RYK: variants seen among roughly 807,000 people sequenced by gnomAD.
The protein encoded by RYK is receptor like tyrosine kinase, also known as inactive tyrosine-protein kinase RYK.
In RYK, 21 loss-of-function variants were observed where a neutral mutation model predicts 70.2. The observed-to-expected ratio is 0.30, with a 90% CI of 0.21 to 0.43. The LOEUF is 0.43. Among genes scored for constraint, RYK ranks in the 20% least tolerant of loss-of-function variants. The pLI is 1.00. For synonymous variants in RYK, 267 were observed against 278.0 expected, an observed-to-expected ratio of 0.96 and a Z score of 0.39; for missense variants, 604 against 753.3, an observed-to-expected ratio of 0.80 and a Z score of 2.32.
At chr3:134,173,789 T>G (rs1355878736) in intron 13 of RYK, among the ~76,000 whole-genome samples, 1 of 152,150 alleles carries the variant, frequency 6.6e-6, no homozygotes, top group Non-Finnish European at 1.5e-5. Flanking sequence ...AAAAATTTAT[T>G]TAGTAGTTAG....
intron 2 of RYK, among the ~76,000 whole-genome samples, chr3:134,219,701 TG>T (rs1490607382): frequency 1.1e-4 from 17 of 152,196 alleles, no homozygotes; most frequent in African/African-American, 4.1e-4. Flanking sequence ...ACCTCAGAGT[TG>T]CAAGGGAACT....
intron 2 of RYK, among the ~76,000 whole-genome samples, chr3:134,222,144 G>A (rs1312803941): frequency 6.6e-6 from 1 of 152,144 alleles, no homozygotes; most frequent in Non-Finnish European, 1.5e-5. Flanking sequence ...TTTCAAGCTA[G>A]GTCTGGATCT....
chr3:134,245,004 C>A (rs1370879041), intron 1 of RYK, among the ~76,000 whole-genome samples: 1 of 152,152 alleles, frequency 6.6e-6, no homozygotes, highest in African/African-American at 2.4e-5. Context: ...TCAAATCTAC[C>A]AAAGCCTTGA....
At chr3:134,250,199 G>A (rs1285612886) in intron 1 of RYK, among the ~76,000 whole-genome samples, 1 of 152,130 alleles carries the variant, frequency 6.6e-6, no homozygotes, top group Non-Finnish European at 1.5e-5. Context: ...TCGCGGCGGG[G>A]CAGCGAGGGC....
chr3:134,241,809 C>G (rs2015333639), intron 1 of RYK, among the ~76,000 whole-genome samples: 1 of 152,206 alleles, frequency 6.6e-6, no homozygotes, highest in African/African-American at 2.4e-5. Context: ...CCCACAACCT[C>G]AGCATCTCAG....
intron 6 of RYK, among the ~76,000 whole-genome samples, chr3:134,198,855 A>G (rs915951379): frequency 1.3e-5 from 2 of 152,208 alleles, no homozygotes; most frequent in Non-Finnish European, 2.9e-5. Flanking sequence ...TATAAAATCA[A>G]AGATTTTAAA....
At chr3:134,200,924 CTAAT>C (rs959736025) in intron 6 of RYK, among the ~76,000 whole-genome samples, 1 of 152,214 alleles carries the variant, frequency 6.6e-6, no homozygotes, top group African/African-American at 2.4e-5. Context: ...TGGATGGTAA[CTAAT>C]TATTTCAGCA....
intron 6 of RYK, among the ~76,000 whole-genome samples, chr3:134,201,103 A>T (rs1029721316): frequency 6.6e-6 from 1 of 152,206 alleles, no homozygotes; most frequent in Non-Finnish European, 1.5e-5. Flanking sequence ...CTCTACCTGT[A>T]TCCTCTCTCA....
At chr3:134,213,340 C>T (rs925763959) in intron 2 of RYK, among the ~76,000 whole-genome samples, 31 of 152,302 alleles carry the variant, frequency 2.0e-4, no homozygotes, top group Middle Eastern at 3.4e-3. Flanking sequence ...AAGGGTAATA[C>T]ATGTTATGAG....
intron 7 of RYK, among the ~76,000 whole-genome samples, chr3:134,193,407 TCTC>T (rs559897829): frequency 5.6e-4 from 86 of 152,246 alleles, no homozygotes; most frequent in Middle Eastern, 6.8e-3. Context: ...ATGGTCTTGA[TCTC>T]CTGACCTCAT....
At chr3:134,223,888 C>T (rs2014809441) in intron 1 of RYK, among the ~76,000 whole-genome samples, 1 of 152,126 alleles carries the variant, frequency 6.6e-6, no homozygotes, top group South Asian at 2.1e-4. Flanking sequence ...CTCATACCTC[C>T]TAAGAATATA....
chr3:134,169,498 T>C (rs2012817364), intron 13 of RYK, among the ~76,000 whole-genome samples: 1 of 152,194 alleles, frequency 6.6e-6, no homozygotes. Context: ...AATGATGTCA[T>C]ATCTTGGAAT....
Position 134,188,930 on chromosome 3 carries a change from G to A in RYK, c.1016-7C>T. 1 of 1,457,938 alleles carries A rather than the reference G, an allele frequency of 6.9e-7. No homozygotes were observed. Among genetic ancestry groups the A allele is most frequent in the South Asian group, 1.2e-5 (1 of 82,812 alleles). 90.3% of individuals were successfully genotyped at this position (1,457,938 alleles called of 1,614,324 possible). Reference sequence around the variant, plus strand: ...AAAATACGCCCAAAAGTACCTAAAAGGAAAAGTAATAATTAATGAGATCAT... The same window carrying A: ...AAAATACGCCCAAAAGTACCTAAAAAGAAAAGTAATAATTAATGAGATCAT... On this transcript the variant is annotated splice_region_variant and splice_polypyrimidine_tract_variant and intron_variant, in intron 8 of 14. Transcript: ENST00000623711.
At chr3:134,238,395 G>C (rs1233393599) in intron 1 of RYK, among the ~76,000 whole-genome samples, 4 of 152,192 alleles carry the variant, frequency 2.6e-5, no homozygotes, top group Admixed American at 1.3e-4. Flanking sequence ...GGATTAGAGA[G>C]AGCTTTCCAG....
At chr3:134,246,111 T>C (rs1227142805) in intron 1 of RYK, among the ~76,000 whole-genome samples, 1 of 150,988 alleles carries the variant, frequency 6.6e-6, no homozygotes, top group Non-Finnish European at 1.5e-5. Flanking sequence ...ATCCATAAAA[T>C]AAGATGCAAT....
At chr3:134,211,810 A>G (rs1346547448) in intron 2 of RYK, among the ~76,000 whole-genome samples, 2 of 152,208 alleles carry the variant, frequency 1.3e-5, no homozygotes, top group Non-Finnish European at 2.9e-5. Flanking sequence ...GCCACCCTCT[A>G]TTTTAAGTCC....
chr3:134,215,099 C>G (rs964367572), intron 2 of RYK, among the ~76,000 whole-genome samples: 1 of 152,184 alleles, frequency 6.6e-6, no homozygotes, highest in East Asian at 1.9e-4. Flanking sequence ...TACTATTTCC[C>G]CAGAAACTTG....
intron 13 of RYK, among the ~76,000 whole-genome samples, chr3:134,166,319 C>T (rs937104269): frequency 2.0e-5 from 3 of 152,140 alleles, no homozygotes; most frequent in South Asian, 2.1e-4. Context: ...GAAAGGGGCT[C>T]TCAACAGACA....
intron 13 of RYK, among the ~76,000 whole-genome samples, chr3:134,166,330 C>T (rs755100553): frequency 1.5e-4 from 23 of 152,224 alleles, no homozygotes; most frequent in Admixed American, 9.8e-4. Context: ...TCAACAGACA[C>T]CGAACCTGCT....
Sources: gnomAD v4.1 joint callset for allele counts (sites outside exome capture counted in the v4.1 genomes callset) on GRCh38, gnomAD v4.1.1 for gene constraint, MANE v1.5 for transcripts, NCBI Gene and HGNC (gene_info 2026-07-23, HGNC 2026-07-21) for gene names.